Variants in LTBP1 observed in about 807,000 individuals in gnomAD.
LTBP1 encodes latent-transforming growth factor beta-binding protein 1.
Under a neutral mutation model 207.6 loss-of-function variants are expected in LTBP1, and 129 were observed. The ratio of observed to expected loss-of-function variants is 0.62; its 90% CI spans 0.54 to 0.72. The LOEUF is 0.72. LTBP1 is among the 30% of genes least tolerant of loss of function. LTBP1 has a pLI of 0.00. For synonymous variants in LTBP1, 963 were observed against 833.7 expected, an observed-to-expected ratio of 1.16 and a Z score of -2.67; for missense variants, 2,281 against 2,217.2, an observed-to-expected ratio of 1.03 and a Z score of -0.58.
intron 5 of LTBP1, among the ~76,000 whole-genome samples, chr2:33,138,090 G>A (rs1007265104): frequency 6.6e-6 from 1 of 152,176 alleles, no homozygotes; most frequent in African/African-American, 2.4e-5. Flanking sequence ...ATATGTGGAG[G>A]TTGTTCTTTT....
chr2:33,256,908 C>A (rs373329276), intron 11 of LTBP1, among the ~76,000 whole-genome samples: 3 of 149,936 alleles, frequency 2.0e-5, no homozygotes, highest in African/African-American at 7.3e-5. Context: ...TTGAGCATTG[C>A]AGATTTTGAT....
chr2:33,226,993 T>C (rs2091475508), intron 9 of LTBP1, among the ~76,000 whole-genome samples: 1 of 152,224 alleles, frequency 6.6e-6, no homozygotes, highest in Admixed American at 6.5e-5. Flanking sequence ...TTCCATTTTA[T>C]CTATTGGCTT....
At chr2:33,142,218 A>AT (rs1261351183) in intron 5 of LTBP1, among the ~76,000 whole-genome samples, 140 of 148,494 alleles carry the variant, frequency 9.4e-4, no homozygotes, top group Middle Eastern at 3.5e-3. Flanking sequence ...CGCCCGGCTA[A>AT]TTTTTTTTTT....
intron 3 of LTBP1, among the ~76,000 whole-genome samples, chr2:33,026,098 T>C (rs967598610): frequency 6.6e-6 from 1 of 152,174 alleles, no homozygotes; most frequent in Non-Finnish European, 1.5e-5. Flanking sequence ...GTTAAACACT[T>C]TGGGGAAAGA....
chr2:33,391,969 G>A (rs1178947807), intron 32 of LTBP1, among the ~76,000 whole-genome samples: 1 of 152,104 alleles, frequency 6.6e-6, no homozygotes, highest in Non-Finnish European at 1.5e-5. Flanking sequence ...CCCCTTCCCA[G>A]CCAGTTTTCT....
At chr2:33,045,783 A>G (rs2076412632) in intron 3 of LTBP1, among the ~76,000 whole-genome samples, 2 of 152,216 alleles carry the variant, frequency 1.3e-5, no homozygotes, top group South Asian at 4.2e-4. Context: ...GTCCTGTCTT[A>G]TTTCCTTGAG....
At chr2:32,994,457 ATAT>A (rs1684931766) in intron 2 of LTBP1, among the ~76,000 whole-genome samples, 1 of 151,814 alleles carries the variant, frequency 6.6e-6, no homozygotes, top group Admixed American at 6.6e-5. Context: ...CGCTTATCTA[ATAT>A]TAGTGAGTCT....
At chr2:33,055,222 T>TA (rs1402318580) in intron 3 of LTBP1, among the ~76,000 whole-genome samples, 1 of 152,198 alleles carries the variant, frequency 6.6e-6, no homozygotes, top group Non-Finnish European at 1.5e-5. Context: ...TTTCTCCTGA[T>TA]ATCTGTGGCT....
At chr2:33,208,440 G>A (rs1301443343) in intron 7 of LTBP1, among the ~76,000 whole-genome samples, 1 of 152,196 alleles carries the variant, frequency 6.6e-6, no homozygotes, top group Non-Finnish European at 1.5e-5. Context: ...AGGTAGAGCT[G>A]CCCTTTGTGT....
intron 3 of LTBP1, among the ~76,000 whole-genome samples, chr2:33,045,328 G>T (rs6759710): frequency 6.6e-6 from 1 of 151,982 alleles, no homozygotes; most frequent in Admixed American, 6.6e-5. Context: ...CGTTTTCTGC[G>T]TATGGCTAGC....
At chr2:33,264,741 T>G (rs183663814) in intron 15 of LTBP1, among the ~76,000 whole-genome samples, 154 of 152,306 alleles carry the variant, frequency 1.0e-3, no homozygotes, top group Non-Finnish European at 1.6e-3. Flanking sequence ...AGGGTGAGAT[T>G]GAGACTCTCT....
chr2:33,077,255 C>T (rs1374826915), intron 3 of LTBP1, among the ~76,000 whole-genome samples: 1 of 152,154 alleles, frequency 6.6e-6, no homozygotes, highest in African/African-American at 2.4e-5. Flanking sequence ...ACTGGGATTC[C>T]AAGGAATTAC....
rs1465868049 is a variant in LTBP1, at chr2:33,161,709, G to T, written c.1202-25147G>T. Among the ~76,000 whole-genome samples the T allele has an allele frequency of 2.0e-5, 3 of 152,194 alleles. No homozygotes were observed. In the East Asian group the frequency reaches 5.8e-4, roughly 29 times the overall value. ...GTGTCCTAAATTGTTAGCTGCAAAA[G>T]ATTAATATATTTTAATTTATTAACA... is the stretch of plus-strand genomic sequence containing the variant. On this transcript the variant is annotated intron_variant, in intron 5 of 33. Coordinates refer to ENST00000404816, the MANE Select transcript of LTBP1 (RefSeq NM_206943.4).
At chr2:33,111,104 C>T (rs1187370890) in intron 4 of LTBP1, among the ~76,000 whole-genome samples, 1 of 152,174 alleles carries the variant, frequency 6.6e-6, no homozygotes, top group Admixed American at 6.5e-5. Flanking sequence ...AGCCAGGACT[C>T]ATGCCTTGTG....
chr2:33,290,104 T>C (rs76767743), intron 19 of LTBP1, among the ~76,000 whole-genome samples: 6,374 of 152,276 alleles, frequency 0.042, 200 homozygotes, highest in Middle Eastern at 0.16. Flanking sequence ...AGCAAGTGCA[T>C]GCAAAGAGAG....
intron 9 of LTBP1, among the ~76,000 whole-genome samples, chr2:33,233,130 A>G (rs766289321): frequency 1.3e-5 from 2 of 152,174 alleles, no homozygotes; most frequent in Non-Finnish European, 1.5e-5. Flanking sequence ...GTCTTCAAAT[A>G]TCACTTTCCA....
chr2:33,388,857 C>T (rs1202746300), intron 31 of LTBP1, among the ~76,000 whole-genome samples: 1 of 152,098 alleles, frequency 6.6e-6, no homozygotes, highest in Non-Finnish European at 1.5e-5. Flanking sequence ...TAGATAAAGC[C>T]ATCCTTCCAA....
At chr2:33,208,824 G>A (rs902499878) in intron 7 of LTBP1, among the ~76,000 whole-genome samples, 2 of 149,948 alleles carry the variant, frequency 1.3e-5, no homozygotes, top group African/African-American at 4.9e-5. Context: ...GAGGTGGGGA[G>A]TAAAACTGAA....
intron 9 of LTBP1, among the ~76,000 whole-genome samples, chr2:33,242,674 T>C (rs1274231608): frequency 7.0e-6 from 1 of 142,610 alleles, no homozygotes; most frequent in Non-Finnish European, 1.5e-5. Context: ...CCATGCATTT[T>C]CAGTTGTTCT....
Sources: allele counts gnomAD v4.1 joint callset (sites outside exome capture counted in the v4.1 genomes callset), GRCh38; gene constraint gnomAD v4.1.1; transcripts MANE v1.5; gene names NCBI Gene and HGNC (gene_info 2026-07-23, HGNC 2026-07-21).